Variants in PIAS1 observed in about 807,000 individuals in gnomAD.
PIAS1 encodes E3 SUMO-protein ligase PIAS1.
In PIAS1, 6 loss-of-function variants were observed where a neutral mutation model predicts 71.3. That is an observed-to-expected ratio of 0.08 (90% CI 0.05 to 0.17). The LOEUF (loss-of-function observed/expected upper bound fraction) is 0.17, where lower values mean the gene tolerates loss of function less well. Ranked by LOEUF, PIAS1 falls within the 10% of genes least tolerant of loss-of-function variation. PIAS1 has a pLI of 1.00. For missense variants in PIAS1, 555 were observed against 793.6 expected (o/e 0.70, Z 3.61); for synonymous variants, 303 against 292.9 (o/e 1.03, Z -0.35).
intron 6 of PIAS1, among the ~76,000 whole-genome samples, chr15:68,149,341 T>A (rs1188739036): frequency 6.6e-6 from 1 of 151,736 alleles, no homozygotes; most frequent in African/African-American, 2.4e-5. Context: ...TTTTTTTTTT[T>A]TTTTAAACAT....
chr15:68,099,273 T>A (rs2092403610), intron 2 of PIAS1, among the ~76,000 whole-genome samples: 1 of 151,090 alleles, frequency 6.6e-6, no homozygotes, highest in African/African-American at 2.4e-5. Context: ...TTTTTTTTTT[T>A]ACTCTTCAAA....
intron 1 of PIAS1, among the ~76,000 whole-genome samples, chr15:68,075,286 A>G (rs778711992): frequency 1.1e-4 from 16 of 151,820 alleles, no homozygotes; most frequent in Admixed American, 2.0e-4. Flanking sequence ...GAGTTTCACC[A>G]TGCTGGCCAG....
rs71287007 is a variant in PIAS1 at position 68,075,783 on chromosome 15, C to CTT, written c.25-10508_25-10507dup. Among the ~76,000 whole-genome samples the CTT allele has an allele frequency of 3.7e-3, 497 of 134,074 alleles. 6 individuals carry two copies. The highest frequency in any genetic ancestry group is 8.6e-3 in the East Asian group (40 of 4,672). The allele number at this position is 134,074 out of a possible 152,430, so 88.0% of individuals were successfully genotyped here. On this transcript the variant is annotated intron_variant, in intron 1 of 13. Coordinates refer to ENST00000249636, the MANE Select transcript of PIAS1 (RefSeq NM_016166.3). ...AGTTTGTAAGGAATCATTCCTAGGG[C>CTT]TTTTTTTTTTTTTTTTAAGATGGAG...
Position 68,190,707 on chromosome 15 carries a change from G to A in PIAS1, c.*2872G>A, listed in dbSNP as rs930375782. The A allele has an allele frequency of 5.3e-5, 8 of 151,668 alleles. No individual in the cohort carries two copies. The highest frequency in any genetic ancestry group is 1.9e-4 in the African/African-American group (8 of 41,242). The allele number at this position is 151,668 out of a possible 1,614,324, so 9.4% of individuals were successfully genotyped here. On this transcript the variant is annotated 3_prime_UTR_variant, in exon 14 of 14. Coordinates refer to ENST00000249636, the MANE Select transcript of PIAS1 (RefSeq NM_016166.3). The surrounding 1 kb of genome is among the most constrained non-coding windows in gnomAD (Gnocchi z 4.7). ...CTTTGATAAAATAGCTATTTGACTAGCAGGGTTAAAGTGGCTTTTAATTAC... is the reference window on the plus strand; with the variant it reads ...CTTTGATAAAATAGCTATTTGACTAACAGGGTTAAAGTGGCTTTTAATTAC...
At chr15:68,132,947 T>G (rs764800542) in intron 2 of PIAS1, among the ~76,000 whole-genome samples, 3 of 151,978 alleles carry the variant, frequency 2.0e-5, no homozygotes, top group Admixed American at 1.3e-4. Flanking sequence ...CATTTTTAAT[T>G]AATTTCAGTT....
chr15:68,163,137 C>T (rs911227261), intron 7 of PIAS1, among the ~76,000 whole-genome samples: 9 of 152,166 alleles, frequency 5.9e-5, no homozygotes, highest in African/African-American at 2.2e-4. Context: ...AGTGAGTAAT[C>T]ACATTAGAAT....
In PIAS1 at chr15:68,086,652, A is replaced by G; in HGVS notation, c.371A>G (p.His124Arg). 1 of 1,613,292 alleles carries G rather than the reference A, an allele frequency of 6.2e-7. No homozygotes were observed. Among genetic ancestry groups the G allele is most frequent in the Non-Finnish European group, 8.5e-7 (1 of 1,179,264 alleles). ...LGPKHELELPHLTSALHPVHP... is the reference protein window; with the variant it reads ...LGPKHELELPRLTSALHPVHP... ...CCTAAACATGAACTGGAACTCCCAC[A>G]TCTTACATCAGCTCTTCACCCAGTC... is the stretch of plus-strand genomic sequence containing the variant. The change falls in exon 2 of 14, where the codon CAT (histidine) becomes CGT (arginine). Residue 124 changes from histidine (H) to arginine (R), a missense_variant. Physicochemically the swap from His to Arg is conservative, Grantham distance 29. Transcript: ENST00000249636. This position sits in a 1 kb window ranked among gnomAD's most constrained non-coding sequence, Gnocchi z 7.2.
chr15:68,106,351 C>CAAAAAAAAAAAAA (rs11313083), intron 2 of PIAS1, among the ~76,000 whole-genome samples: 6 of 92,850 alleles, frequency 6.5e-5, no homozygotes, highest in African/African-American at 2.0e-4. Flanking sequence ...ATGACCTTTG[C>CAAAAAAAAAAAAA]AAAAAAAAAA....
intron 1 of PIAS1, among the ~76,000 whole-genome samples, chr15:68,056,829 A>G (rs1374117955): frequency 6.6e-6 from 1 of 152,210 alleles, no homozygotes; most frequent in African/African-American, 2.4e-5. Flanking sequence ...CTCCTTTTGG[A>G]AATGATATTT....
At chr15:68,060,200 A>G (rs746389222) in intron 1 of PIAS1, among the ~76,000 whole-genome samples, 1 of 152,126 alleles carries the variant, frequency 6.6e-6, no homozygotes, top group African/African-American at 2.4e-5. Flanking sequence ...TGGAAATTAT[A>G]TCACAGTGAC....
rs1484789720 is a variant in PIAS1 at position 68,189,646 on chromosome 15, G to T, written c.*1811G>T. On this transcript the variant is annotated 3_prime_UTR_variant, in exon 14 of 14. Transcript: ENST00000249636. ...TTGGTGTTGATATGTATATGTGTGT[G>T]TGTATATATGTATTTATAAACAAGT... is the stretch of plus-strand genomic sequence containing the variant. The T allele has an allele frequency of 6.6e-6, 1 of 152,078 alleles. No individual in the cohort carries two copies. The highest frequency in any genetic ancestry group is 1.5e-5 in the Non-Finnish European group (1 of 68,010). 9.4% of individuals were successfully genotyped at this position (152,078 alleles called of 1,614,324 possible).
At chr15:68,177,433 G>C (rs1278666817) in intron 11 of PIAS1, among the ~76,000 whole-genome samples, 2 of 152,164 alleles carry the variant, frequency 1.3e-5, no homozygotes, top group African/African-American at 4.8e-5. Context: ...GGAAAGCAGA[G>C]GAAGACCAAT....
chr15:68,094,781 C>G (rs914951635), intron 2 of PIAS1, among the ~76,000 whole-genome samples: 4 of 152,148 alleles, frequency 2.6e-5, no homozygotes, highest in African/African-American at 9.7e-5. Context: ...AAATCAAGAG[C>G]ACTAATTTTT....
intron 1 of PIAS1, among the ~76,000 whole-genome samples, chr15:68,077,393 G>T (rs2092178845): frequency 6.6e-6 from 1 of 152,208 alleles, no homozygotes. Flanking sequence ...GTGGGAAGGG[G>T]TCTAGCTAGT....
At chr15:68,121,263 G>GTT (rs71455578) in intron 2 of PIAS1, among the ~76,000 whole-genome samples, 2 of 139,626 alleles carry the variant, frequency 1.4e-5, no homozygotes, top group African/African-American at 2.7e-5. Flanking sequence ...ATGTTTTTTT[G>GTT]TTTTTTTTTT....
intron 2 of PIAS1, among the ~76,000 whole-genome samples, chr15:68,098,665 T>C (rs1030438369): frequency 1.3e-5 from 2 of 152,192 alleles, no homozygotes; most frequent in Non-Finnish European, 2.9e-5. Flanking sequence ...TTCAGTTCTT[T>C]TTATATTTTT....
rs560730407 is a variant in PIAS1 at position 68,095,271 on chromosome 15, A to G, written c.469+8521A>G. Among the ~76,000 whole-genome samples the G allele has an allele frequency of 2.6e-3, 403 of 152,186 alleles. 1 individual carries two copies. Among genetic ancestry groups the G allele is most frequent in the Non-Finnish European group, 3.5e-3 (241 of 68,000 alleles). On this transcript the variant is annotated intron_variant, in intron 2 of 13. Coordinates refer to ENST00000249636, the MANE Select transcript of PIAS1 (RefSeq NM_016166.3). Reference sequence around the variant, plus strand: ...TACTGTATAGTGTTTGAAATGCAGCATTTCAGAATTTAACAGCGAATTCTG... The same window carrying G: ...TACTGTATAGTGTTTGAAATGCAGCGTTTCAGAATTTAACAGCGAATTCTG...
chr15:68,138,375 C>T (rs2092747924), intron 2 of PIAS1, among the ~76,000 whole-genome samples: 1 of 152,112 alleles, frequency 6.6e-6, no homozygotes, highest in East Asian at 1.9e-4. Flanking sequence ...TGAACATTAT[C>T]CTCCCATTGG....
chr15:68,072,173 C>T (rs995021027), intron 1 of PIAS1, among the ~76,000 whole-genome samples: 3 of 151,032 alleles, frequency 2.0e-5, no homozygotes, highest in South Asian at 2.1e-4. Context: ...CTGAGATGGG[C>T]GGATCATGAG....
Sources: allele counts gnomAD v4.1 joint callset (sites outside exome capture counted in the v4.1 genomes callset), GRCh38; gene constraint gnomAD v4.1.1; non-coding constraint Gnocchi (gnomAD v3.1); transcripts MANE v1.5; gene names NCBI Gene and HGNC (gene_info 2026-07-23, HGNC 2026-07-21).